The following AGBL1 variants were observed in gnomAD, a reference collection of about 807,000 sequenced individuals.
AGBL1 encodes AGBL carboxypeptidase 1, also known as cytosolic carboxypeptidase 4.
Under a neutral mutation model 118.9 loss-of-function variants are expected in AGBL1, and 130 were observed. The observed-to-expected ratio is 1.09, with a 90% CI of 0.95 to 1.26. The LOEUF is 1.26. Ranked by LOEUF, AGBL1 falls within the 50% of genes most tolerant of loss-of-function variation. AGBL1 has a pLI of 0.00. For missense variants in AGBL1, 1,584 were observed against 1,298.1 expected (o/e 1.22, Z -3.38); for synonymous variants, 555 against 478.9 (o/e 1.16, Z -2.08).
intron 17 of AGBL1, among the ~76,000 whole-genome samples, chr15:86,354,006 C>T (rs935443929): frequency 2.0e-5 from 3 of 152,170 alleles, no homozygotes; most frequent in African/African-American, 7.2e-5. Context: ...ACTTTAATTT[C>T]AGAGAATGTA....
intron 18 of AGBL1, among the ~76,000 whole-genome samples, chr15:86,519,685 A>G (rs1228971086): frequency 6.6e-6 from 1 of 152,324 alleles, no homozygotes; most frequent in East Asian, 1.9e-4. Flanking sequence ...ACCACCATAG[A>G]GTCCTGAAGA....
chr15:86,095,775 T>G (rs1281002430), intron 1 of AGBL1, among the ~76,000 whole-genome samples: 1 of 150,938 alleles, frequency 6.6e-6, no homozygotes, highest in Non-Finnish European at 1.5e-5. Context: ...GGGGAGACCT[T>G]GGAGGAACAT....
At chr15:86,736,729 G>A (rs1273181656) in intron 22 of AGBL1, among the ~76,000 whole-genome samples, 1 of 152,148 alleles carries the variant, frequency 6.6e-6, no homozygotes, top group South Asian at 2.1e-4. Flanking sequence ...ATGGGGATAA[G>A]GACATAAGTA....
At chr15:86,975,723 A>G (rs2081170634) in intron 23 of AGBL1, among the ~76,000 whole-genome samples, 1 of 149,748 alleles carries the variant, frequency 6.7e-6, no homozygotes, top group East Asian at 1.9e-4. Context: ...TTGCTTAACC[A>G]TCCCACACTC....
chr15:86,693,032 C>T (rs2086199058), intron 22 of AGBL1, among the ~76,000 whole-genome samples: 1 of 152,018 alleles, frequency 6.6e-6, no homozygotes, highest in Admixed American at 6.6e-5. Flanking sequence ...TGAGCTAATT[C>T]CATATTTTTG....
At chr15:86,817,105 G>A (rs563081170) in intron 22 of AGBL1, among the ~76,000 whole-genome samples, 1 of 151,998 alleles carries the variant, frequency 6.6e-6, no homozygotes, top group East Asian at 1.9e-4. Context: ...TGACCAACAT[G>A]ATGAAACTCC....
chr15:86,314,536 C>T (rs1329646107), intron 17 of AGBL1, among the ~76,000 whole-genome samples: 2 of 152,180 alleles, frequency 1.3e-5, no homozygotes, highest in Non-Finnish European at 2.9e-5. Context: ...TGGCCCCTTC[C>T]TCTATGGTGG....
intron 21 of AGBL1, among the ~76,000 whole-genome samples, chr15:86,588,985 ATT>A (rs1382936428): frequency 6.6e-6 from 1 of 151,972 alleles, no homozygotes; most frequent in Admixed American, 6.6e-5. Flanking sequence ...CACAATTTTT[ATT>A]TTTTATGTGT....
chr15:86,803,039 G>T (rs544301194), intron 22 of AGBL1, among the ~76,000 whole-genome samples: 1 of 152,068 alleles, frequency 6.6e-6, no homozygotes, highest in East Asian at 1.9e-4. Context: ...GGGTTCTTTT[G>T]TATTTACCTT....
At position 86,266,755 on chromosome 15, in the gene AGBL1, A is replaced by T. The variant is rs575589076; in HGVS notation, c.1752-235A>T. Among the ~76,000 whole-genome samples, 8 of 152,264 alleles carry T rather than the reference A, an allele frequency of 5.3e-5. No homozygotes were observed. The South Asian group carries it at 1.7e-3, about 32-fold the overall frequency. On this transcript the variant is annotated intron_variant, in intron 12 of 22. Transcript: ENST00000614907. Reference sequence around the variant, plus strand: ...GTCTCTACTAAAAATACAAAAAATTAACTGGGTATGGTGGCGGGTGCCTGT... The same window carrying T: ...GTCTCTACTAAAAATACAAAAAATTTACTGGGTATGGTGGCGGGTGCCTGT...
intron 3 of AGBL1, among the ~76,000 whole-genome samples, chr15:86,154,189 G>A (rs1437826987): frequency 1.3e-5 from 2 of 152,088 alleles, no homozygotes; most frequent in African/African-American, 4.8e-5. Flanking sequence ...CCTAAATATA[G>A]GGGCTTGAGA....
intron 22 of AGBL1, among the ~76,000 whole-genome samples, chr15:86,894,951 A>G (rs1349499438): frequency 6.6e-6 from 1 of 152,036 alleles, no homozygotes; most frequent in African/African-American, 2.4e-5. Flanking sequence ...AGGGAATAAG[A>G]TAATGGATTA....
intron 16 of AGBL1, among the ~76,000 whole-genome samples, chr15:86,287,606 C>A (rs2079474768): frequency 6.6e-6 from 1 of 152,132 alleles, no homozygotes; most frequent in Admixed American, 6.6e-5. Flanking sequence ...ACTGTCCTTT[C>A]CCCATTGCAT....
rs1488355106 is a variant in AGBL1, at chr15:86,486,043, G to A, written c.2556-36767G>A. Among the ~76,000 whole-genome samples the A allele has an allele frequency of 3.3e-5, 5 of 152,004 alleles. No homozygotes were observed. In the South Asian group the frequency reaches 6.2e-4, roughly 19 times the overall value. On this transcript the variant is annotated intron_variant, in intron 18 of 22. Coordinates refer to ENST00000614907, the MANE Select transcript of AGBL1 (RefSeq NM_001386094.1). ...TTGACACTTAGGTTCTTCTGTTTAC[G>A]ATGTGAACCTTAGTCACGATACTTA...
chr15:86,937,715 G>A (rs111508252), intron 23 of AGBL1, among the ~76,000 whole-genome samples: 5,928 of 152,164 alleles, frequency 0.039, 157 homozygotes, highest in Middle Eastern at 0.071. Flanking sequence ...TTAATACCTG[G>A]GTGATGAAAT....
intron 22 of AGBL1, among the ~76,000 whole-genome samples, chr15:86,873,023 C>G (rs2079752175): frequency 6.6e-6 from 1 of 152,176 alleles, no homozygotes; most frequent in South Asian, 2.1e-4. Context: ...TGGCATCTGT[C>G]TTTGTGATTA....
chr15:86,640,241 G>A (rs1766349289), intron 21 of AGBL1, among the ~76,000 whole-genome samples: 1 of 152,020 alleles, frequency 6.6e-6, no homozygotes, highest in Non-Finnish European at 1.5e-5. Context: ...ATATATTTAT[G>A]TGTCATTCCT....
chr15:86,709,109 A>T (rs1183764479), intron 22 of AGBL1, among the ~76,000 whole-genome samples: 1 of 152,070 alleles, frequency 6.6e-6, no homozygotes, highest in East Asian at 1.9e-4. Flanking sequence ...TGTATTTATA[A>T]TCCTATCTAT....
At chr15:86,203,672 G>C (rs2077943553) in intron 5 of AGBL1, among the ~76,000 whole-genome samples, 1 of 152,094 alleles carries the variant, frequency 6.6e-6, no homozygotes, top group Non-Finnish European at 1.5e-5. Context: ...GACTTCCTTT[G>C]TGTCTTTTCT....
Sources: allele counts gnomAD v4.1 joint callset (sites outside exome capture counted in the v4.1 genomes callset), GRCh38; gene constraint gnomAD v4.1.1; transcripts MANE v1.5; gene names NCBI Gene and HGNC (gene_info 2026-07-23, HGNC 2026-07-21).